Variants in DTNB observed in about 807,000 individuals in gnomAD.
DTNB encodes dystrobrevin beta.
A neutral mutation model predicts 90.7 loss-of-function variants in DTNB; 63 were observed. The observed-to-expected ratio is 0.69, with a 90% CI of 0.57 to 0.86. The LOEUF (loss-of-function observed/expected upper bound fraction) is 0.86. DTNB is among the 40% of genes least tolerant of loss of function. The probability of loss-of-function intolerance (pLI) is 0.00; values close to 1 mark genes in which losing one functional copy is unlikely to be tolerated. For missense variants in DTNB, 744 were observed against 807.1 expected (o/e 0.92, Z 0.95); for synonymous variants, 277 against 286.7 (o/e 0.97, Z 0.34).
At chr2:25,614,442 C>CTAT (rs1458527985) in intron 4 of DTNB, among the ~76,000 whole-genome samples, 3 of 152,106 alleles carry the variant, frequency 2.0e-5, no homozygotes, top group African/African-American at 7.2e-5. Flanking sequence ...ACTAACAACA[C>CTAT]TATAATAAGT....
chr2:25,417,269 C>T lies in DTNB; in HGVS notation c.1575+2246G>A, dbSNP rs185068093. Among the ~76,000 whole-genome samples the T allele has an allele frequency of 1.5e-3, 232 of 152,306 alleles. 1 individual carries two copies. The highest frequency in any genetic ancestry group is 7.7e-4 in the East Asian group (4 of 5,186). ...ACAGTGGCTCATTAGAGGCAGGCTT[C>T]AGCAGTCTAGGTTCTCATTTTGCCA... On this transcript the variant is annotated intron_variant, in intron 16 of 20. Coordinates refer to ENST00000406818, the MANE Select transcript of DTNB (RefSeq NM_021907.5).
At chr2:25,577,086 T>C in intron 7 of DTNB, 82 bp from the exon 8 acceptor site, 1 of 1,409,104 alleles carries the variant, frequency 7.1e-7, no homozygotes, top group Non-Finnish European at 9.5e-7. Flanking sequence ...AAATTTCACT[T>C]GGAGAATGAA....
rs1450672841 is a variant in DTNB, at chr2:25,432,974, G to C, written c.1369C>G (p.Leu457Val). 1 of 1,609,654 alleles carries C rather than the reference G, an allele frequency of 6.2e-7. No homozygotes were observed. The highest frequency in any genetic ancestry group is 2.2e-5 in the East Asian group (1 of 44,862). ...GAGGCCTGCTCGTGTTCCAGGCGGAGACGCTGAATCTCCTGCAGGATCTCT... is the reference window on the plus strand; with the variant it reads ...GAGGCCTGCTCGTGTTCCAGGCGGACACGCTGAATCTCCTGCAGGATCTCT... ...NREILQEIQR[L>V]RLEHEQASQP... Residue 457 changes from leucine to valine, a missense_variant, in exon 14 of 21, where the codon CTC (leucine) becomes GTC (valine). Leu to Val is a conservative substitution (Grantham distance 32, BLOSUM62 1). Transcript: ENST00000406818.
At chr2:25,644,304 C>G (rs2078977315) in intron 2 of DTNB, among the ~76,000 whole-genome samples, 1 of 151,992 alleles carries the variant, frequency 6.6e-6, no homozygotes, top group African/African-American at 2.4e-5. Flanking sequence ...CTGTAACAAA[C>G]CCATGGAAGA....
In DTNB at chr2:25,487,648, A is replaced by G. The variant is rs578262362; in HGVS notation, c.1002-4775T>C. 3.9e-5 allele frequency among the ~76,000 whole-genome samples: 6 copies of G among 152,292 alleles called. No homozygotes were observed. The East Asian group carries it at 1.2e-3, about 29-fold the overall frequency. ...AACAAGGGGCAAGAATCGTCATGGA[A>G]GGCCTCAGAGAGGAGGCATCGTTGA... is the stretch of plus-strand genomic sequence containing the variant. On this transcript the variant is annotated intron_variant, in intron 9 of 20. Transcript: ENST00000406818.
intron 9 of DTNB, among the ~76,000 whole-genome samples, chr2:25,521,115 G>A (rs954314596): frequency 5.3e-5 from 8 of 152,042 alleles, no homozygotes; most frequent in African/African-American, 9.7e-5. Flanking sequence ...TATCTTCACC[G>A]CTGCGTGAAA....
At chr2:25,443,788 G>C (rs977748671) in intron 12 of DTNB, among the ~76,000 whole-genome samples, 7 of 152,214 alleles carry the variant, frequency 4.6e-5, no homozygotes, top group African/African-American at 1.4e-4. Context: ...TGATTCAGAA[G>C]GTCTGAGGCA....
At chr2:25,431,561 G>A (rs1432228171) in intron 14 of DTNB, among the ~76,000 whole-genome samples, 2 of 152,124 alleles carry the variant, frequency 1.3e-5, no homozygotes, top group African/African-American at 4.8e-5. Context: ...TTACATTTCT[G>A]CTTCTTGCTA....
intron 15 of DTNB, among the ~76,000 whole-genome samples, chr2:25,423,426 T>C (rs1008081025): frequency 5.3e-5 from 8 of 152,236 alleles, no homozygotes; most frequent in African/African-American, 1.9e-4. Flanking sequence ...GTATGCTTCT[T>C]TAAATTATCA....
intron 9 of DTNB, among the ~76,000 whole-genome samples, chr2:25,497,927 C>A (rs1249214598): frequency 6.6e-6 from 1 of 152,162 alleles, no homozygotes; most frequent in African/African-American, 2.4e-5. Context: ...TATCTGATTT[C>A]TCACAGCTAA....
At chr2:25,448,143 GCTCCC>G (rs1288193505) in intron 12 of DTNB, among the ~76,000 whole-genome samples, 4 of 152,138 alleles carry the variant, frequency 2.6e-5, no homozygotes, top group African/African-American at 9.7e-5. Context: ...CACTTCCACA[GCTCCC>G]TGCATTTTTC....
intron 14 of DTNB, among the ~76,000 whole-genome samples, chr2:25,430,648 G>A (rs1034166730): frequency 2.6e-5 from 4 of 152,108 alleles, no homozygotes; most frequent in African/African-American, 9.7e-5. Flanking sequence ...GTGATAATGC[G>A]ACAATATTGT....
intron 5 of DTNB, among the ~76,000 whole-genome samples, chr2:25,603,692 A>G (rs1386899893): frequency 1.3e-5 from 2 of 152,226 alleles, no homozygotes; most frequent in African/African-American, 4.8e-5. Context: ...ATGCTAAAAC[A>G]TTCCATAAAT....
intron 9 of DTNB, among the ~76,000 whole-genome samples, chr2:25,504,554 C>CAGAAAGAA (rs145795119): frequency 8.1e-5 from 9 of 111,088 alleles, no homozygotes; most frequent in East Asian, 2.6e-4. Context: ...GAAGGCAAGG[C>CAGAAAGAA]AGAAAGAAAG....
At chr2:25,412,974 C>G (rs1486397290) in intron 16 of DTNB, among the ~76,000 whole-genome samples, 6 of 152,158 alleles carry the variant, frequency 3.9e-5, no homozygotes, top group Non-Finnish European at 7.3e-5. Flanking sequence ...GCTGATGAAT[C>G]CTACAACCGT....
At position 25,577,020 on chromosome 2, in the gene DTNB, G is replaced by C. The variant is rs1222058822; in HGVS notation, c.710-16C>G. The stretch of plus-strand genomic sequence containing the variant: ...GGATGGAAGACTTGTGGACAGGAGA[G>C]AAAAGGGGAGAAAAAAGGGCAGGAG... On this transcript the variant is annotated splice_polypyrimidine_tract_variant and intron_variant, in intron 7 of 20. Coordinates refer to ENST00000406818, the MANE Select transcript of DTNB (RefSeq NM_021907.5). The C allele has an allele frequency of 6.4e-7, 1 of 1,574,584 alleles. No homozygotes were observed. The highest frequency in any genetic ancestry group is 8.6e-7 in the Non-Finnish European group (1 of 1,159,012).
chr2:25,426,086 G>A (rs1402607225), intron 15 of DTNB, among the ~76,000 whole-genome samples: 1 of 152,154 alleles, frequency 6.6e-6, no homozygotes, highest in Non-Finnish European at 1.5e-5. Flanking sequence ...CAAACCTACA[G>A]CTAATATGCT....
intron 7 of DTNB, among the ~76,000 whole-genome samples, chr2:25,578,367 T>C (rs1559102421): frequency 6.6e-6 from 1 of 152,204 alleles, no homozygotes; most frequent in Non-Finnish European, 1.5e-5. Flanking sequence ...CTATACAACC[T>C]AGTATAGTTC....
intron 16 of DTNB, 195 bp downstream of exon 16, chr2:25,419,320 A>G (rs564415805): frequency 1.6e-4 from 125 of 764,290 alleles, no homozygotes; most frequent in Non-Finnish European, 2.6e-4. Context: ...TTAAGTAAGA[A>G]CATGCTCTAC....
Sources: allele counts gnomAD v4.1 joint callset (sites outside exome capture counted in the v4.1 genomes callset), GRCh38; gene constraint gnomAD v4.1.1; transcripts MANE v1.5; gene names NCBI Gene and HGNC (gene_info 2026-07-23, HGNC 2026-07-21).